Variants in ANKS1A observed in about 807,000 individuals in gnomAD.
ANKS1A encodes the protein ankyrin repeat and sterile alpha motif domain containing 1A, also known as ankyrin repeat and SAM domain-containing protein 1A.
In ANKS1A, 55 loss-of-function variants were observed where a neutral mutation model predicts 120.3. That is an observed-to-expected ratio of 0.46 (90% CI 0.37 to 0.57). The LOEUF is 0.57. Among genes scored for constraint, ANKS1A ranks in the 20% least tolerant of loss-of-function variants. The pLI, the probability that ANKS1A is intolerant of heterozygous loss-of-function variation, is 0.00. For missense variants in ANKS1A, 1,123 were observed against 1,480.3 expected (o/e 0.76, Z 3.96); for synonymous variants, 590 against 604.7 (o/e 0.98, Z 0.36).
intron 15 of ANKS1A, 76 bp from the exon 16 acceptor site, chr6:35,079,745 A>T: frequency 6.2e-7 from 1 of 1,611,760 alleles, no homozygotes; most frequent in Admixed American, 1.7e-5. Flanking sequence ...GGCCCAGCGG[A>T]AGATGCTGGG....
intron 1 of ANKS1A, among the ~76,000 whole-genome samples, chr6:34,922,319 C>A (rs2127466340): frequency 6.6e-6 from 1 of 152,250 alleles, no homozygotes; most frequent in East Asian, 1.9e-4. Flanking sequence ...TGTCTGAGGT[C>A]ATAGAGCTAT....
At chr6:34,967,434 T>G in intron 2 of ANKS1A, 115 bp downstream of exon 2, 2 of 946,896 alleles carry the variant, frequency 2.1e-6, no homozygotes, top group Non-Finnish European at 3.1e-6. Flanking sequence ...ATGCCTGTAA[T>G]CCCAGCACTT....
intron 12 of ANKS1A, among the ~76,000 whole-genome samples, chr6:35,059,766 C>T (rs1341396611): frequency 1.3e-5 from 2 of 152,166 alleles, no homozygotes; most frequent in African/African-American, 4.8e-5. Context: ...TGGGGACAGA[C>T]TTTCTGAAAT....
chr6:35,030,275 G>A (rs1774839376), intron 11 of ANKS1A, among the ~76,000 whole-genome samples: 1 of 152,208 alleles, frequency 6.6e-6, no homozygotes, highest in Non-Finnish European at 1.5e-5. Flanking sequence ...ATGAAGGAAA[G>A]CAACTTACGA....
chr6:34,935,514 A>G (rs948294059), intron 1 of ANKS1A, among the ~76,000 whole-genome samples: 4 of 152,244 alleles, frequency 2.6e-5, no homozygotes, highest in African/African-American at 4.8e-5. Context: ...GGACTTTGTC[A>G]TCTGTACTTG....
At chr6:35,054,265 G>A in intron 12 of ANKS1A, 100 bp downstream of exon 12, 1 of 1,150,374 alleles carries the variant, frequency 8.7e-7, no homozygotes, top group South Asian at 1.3e-5. Context: ...TTCAGTGGGT[G>A]GGAGAGGTCA....
chr6:34,968,114 A>G (rs1420574183), intron 2 of ANKS1A, among the ~76,000 whole-genome samples: 1 of 152,028 alleles, frequency 6.6e-6, no homozygotes, highest in Non-Finnish European at 1.5e-5. Flanking sequence ...GTACACAAGA[A>G]CCCTTTTTAA....
At position 35,082,684 on chromosome 6, in the gene ANKS1A, T is replaced by TCG; in HGVS notation, c.2710-7_2710-6insCG. 6.2e-7 allele frequency: 1 copy of TCG among 1,605,408 alleles called. No individual in the cohort carries two copies. The highest frequency in any genetic ancestry group is 1.1e-5 in the South Asian group (1 of 90,180). On this transcript the variant is annotated splice_region_variant and splice_polypyrimidine_tract_variant and intron_variant, in intron 17 of 23. Transcript: ENST00000360359. This position sits in a 1 kb window ranked among gnomAD's most constrained non-coding sequence, Gnocchi z 4.1. The stretch of plus-strand genomic sequence containing the variant: ...GGAGCAGGTGTCCAATTGCGTGTGT[T>TCG]TCGCAGGAGGAGCACCGTGAGGCCA...
rs371531749 is a variant in ANKS1A, at chr6:35,083,455, C to T, written c.2946C>T (p.Ile982=). 1 of 1,614,106 alleles carries T rather than the reference C, an allele frequency of 6.2e-7. No homozygotes were observed. Among genetic ancestry groups the T allele is most frequent in the Non-Finnish European group, 8.5e-7 (1 of 1,179,996 alleles). The change falls in exon 20 of 24, where the codon ATC becomes ATT. Residue 982 remains isoleucine (I), a synonymous_variant. Transcript: ENST00000360359. ...ACATGAAGAAGATCCCCACCATCAT[C>T]CTGTCCATCACATACAAAGGTGTCA... The part of the protein sequence containing the change: ...TEHMKKIPTI[I]LSITYKGVKF...
At chr6:34,989,862 TCTAC>T (rs1772414953) in intron 9 of ANKS1A, among the ~76,000 whole-genome samples, 1 of 152,214 alleles carries the variant, frequency 6.6e-6, no homozygotes, top group South Asian at 2.1e-4. Flanking sequence ...AAAAGAATAG[TCTAC>T]CCTTTTGAAA....
rs182905570 is a variant in ANKS1A at position 34,931,967 on chromosome 6, A to T, written c.198-35272A>T. Among the ~76,000 whole-genome samples the T allele has an allele frequency of 9.6e-4, 146 of 152,314 alleles. 2 individuals are homozygous for T. Among genetic ancestry groups the T allele is most frequent in the Admixed American group, 7.6e-3 (117 of 15,304 alleles). On this transcript the variant is annotated intron_variant, in intron 1 of 23. Transcript: ENST00000360359. The stretch of plus-strand genomic sequence containing the variant: ...CAGATACAAATCTGTATCTTAAAAT[A>T]GTTGATAGCCTCTAGAGAAGGGATG...
chr6:34,983,371 C>G lies in ANKS1A; in HGVS notation c.958C>G (p.Pro320Ala). 1.2e-6 allele frequency: 2 copies of G among 1,613,952 alleles called. No individual in the cohort carries two copies. The highest frequency in any genetic ancestry group is 1.7e-6 in the Non-Finnish European group (2 of 1,179,992). The change falls in exon 7 of 24, where the codon CCA becomes GCA. Residue 320 changes from proline to alanine, a missense_variant. Pro to Ala is a conservative substitution (Grantham distance 27). Transcript: ENST00000360359. ...TACAAAAGAAGTAGATAAAACCCCCCCACCCCAGCCACCTCTCATCTCCAG... is the reference window on the plus strand; with the variant it reads ...TACAAAAGAAGTAGATAAAACCCCCGCACCCCAGCCACCTCTCATCTCCAG... ...RSTKEVDKTP[P>A]PQPPLISSMD...
At chr6:34,935,500 T>C (rs930684124) in intron 1 of ANKS1A, among the ~76,000 whole-genome samples, 2 of 152,246 alleles carry the variant, frequency 1.3e-5, no homozygotes, top group Non-Finnish European at 2.9e-5. Context: ...TTGCTGATAT[T>C]GTTGGACTTT....
At chr6:35,016,854 C>T (rs545490205) in intron 10 of ANKS1A, among the ~76,000 whole-genome samples, 122 of 151,142 alleles carry the variant, frequency 8.1e-4, no homozygotes, top group African/African-American at 2.9e-3. Flanking sequence ...ATGGCCCCCT[C>T]CGAGGAAGGA....
intron 12 of ANKS1A, among the ~76,000 whole-genome samples, chr6:35,054,716 T>C (rs1243635907): frequency 1.3e-5 from 2 of 152,254 alleles, no homozygotes; most frequent in East Asian, 1.9e-4. Flanking sequence ...TGGTCATTCT[T>C]TTCTAAGCCC....
chr6:35,013,337 C>G (rs560273074), intron 10 of ANKS1A, among the ~76,000 whole-genome samples: 1 of 152,154 alleles, frequency 6.6e-6, no homozygotes, highest in East Asian at 1.9e-4. Context: ...CTGTGTCTCC[C>G]AGGCTGGAGT....
chr6:34,896,823 G>T (rs981908740), intron 1 of ANKS1A, among the ~76,000 whole-genome samples: 1 of 152,130 alleles, frequency 6.6e-6, no homozygotes, highest in African/African-American at 2.4e-5. Flanking sequence ...AATCAGCTGG[G>T]TGTGGTGGCC....
At chr6:35,027,903 A>G (rs753401452) in intron 11 of ANKS1A, among the ~76,000 whole-genome samples, 23 of 152,186 alleles carry the variant, frequency 1.5e-4, no homozygotes, top group Non-Finnish European at 3.2e-4. Context: ...TTTCCCAGGT[A>G]TCCTACTCTT....
rs992121540 is a variant in ANKS1A, at chr6:35,077,014, C to T, written c.2185-1544C>T. ...CTTTGGAAATGCTAGATAGATAAAACGTGGAAAGATGCTCATCCTCACCTC... is the reference window on the plus strand; with the variant it reads ...CTTTGGAAATGCTAGATAGATAAAATGTGGAAAGATGCTCATCCTCACCTC... On this transcript the variant is annotated intron_variant, in intron 13 of 23. Coordinates refer to ENST00000360359, the MANE Select transcript of ANKS1A (RefSeq NM_015245.3). Among the ~76,000 whole-genome samples, 70 of 152,256 alleles carry T rather than the reference C, an allele frequency of 4.6e-4. 1 individual carries two copies. The highest frequency in any genetic ancestry group is 3.4e-3 in the Middle Eastern group (1 of 294).
Sources: allele counts gnomAD v4.1 joint callset (sites outside exome capture counted in the v4.1 genomes callset), GRCh38; gene constraint gnomAD v4.1.1; non-coding constraint Gnocchi (gnomAD v3.1); transcripts MANE v1.5; gene names NCBI Gene and HGNC (gene_info 2026-07-23, HGNC 2026-07-21).